The following PPP1R9A variants were observed in gnomAD, a reference collection of about 807,000 sequenced individuals.
PPP1R9A encodes neurabin-1.
Under a neutral mutation model 141.9 loss-of-function variants are expected in PPP1R9A, and 59 were observed. The observed-to-expected ratio is 0.42, with a 90% CI of 0.34 to 0.52. The LOEUF (loss-of-function observed/expected upper bound fraction) is 0.52, where lower values mean the gene tolerates loss of function less well. Among genes scored for constraint, PPP1R9A ranks in the 20% least tolerant of loss-of-function variants. The pLI is 0.10. For missense variants in PPP1R9A, 1,444 were observed against 1,611.9 expected (o/e 0.90, Z 1.78); for synonymous variants, 500 against 569.7 (o/e 0.88, Z 1.74).
chr7:95,138,148 G>A (rs1490626202), intron 4 of PPP1R9A, among the ~76,000 whole-genome samples: 1 of 151,938 alleles, frequency 6.6e-6, no homozygotes, highest in Non-Finnish European at 1.5e-5. Flanking sequence ...TAGCCAGGAT[G>A]GTCTCGATCT....
chr7:95,124,401 C>G (rs566370831), intron 4 of PPP1R9A, among the ~76,000 whole-genome samples: 1 of 152,122 alleles, frequency 6.6e-6, no homozygotes, highest in South Asian at 2.1e-4. Context: ...ATCTCTCAGT[C>G]ATTCTCTTTC....
At position 95,254,664 on chromosome 7, in the gene PPP1R9A, G is replaced by C. The variant is rs144519070; in HGVS notation, c.2665+2534G>C. Among the ~76,000 whole-genome samples the C allele has an allele frequency of 4.5e-3, 690 of 152,262 alleles. 5 individuals are homozygous for C. Among genetic ancestry groups the C allele is most frequent in the African/African-American group, 0.016 (650 of 41,560 alleles). ...TCATGAAGCAAAAGAATGATCAAGT[G>C]TAGGTCAATGAAAATGGTCAGAATG... On this transcript the variant is annotated intron_variant, in intron 12 of 19. Transcript: ENST00000433360.
At chr7:95,206,124 A>C (rs563624038) in intron 7 of PPP1R9A, among the ~76,000 whole-genome samples, 1 of 152,198 alleles carries the variant, frequency 6.6e-6, no homozygotes, top group Non-Finnish European at 1.5e-5. Context: ...ACAATACTGC[A>C]TATATGTCCT....
Position 95,212,624 on chromosome 7 carries a change from C to T in PPP1R9A, c.1956+8894C>T, listed in dbSNP as rs1792368885. On this transcript the variant is annotated intron_variant, in intron 7 of 19. Transcript: ENST00000433360. ...ATGTGGTTATTGGTACCACCTCAGT[C>T]CTGGAAGGCAGTCATGTCAGCCTCA... Among the ~76,000 whole-genome samples the T allele has an allele frequency of 3.9e-5, 6 of 152,258 alleles. No homozygotes were observed. In the South Asian group the frequency reaches 1.2e-3, roughly 32 times the overall value.
chr7:95,257,457 A>G (rs190584674), intron 12 of PPP1R9A, among the ~76,000 whole-genome samples: 1 of 152,260 alleles, frequency 6.6e-6, no homozygotes, highest in East Asian at 1.9e-4. Flanking sequence ...TACAGTCTCA[A>G]ATTTGAAAGA....
At chr7:95,213,000 GTTACA>G (rs1792458461) in intron 7 of PPP1R9A, among the ~76,000 whole-genome samples, 1 of 152,038 alleles carries the variant, frequency 6.6e-6, no homozygotes, top group Non-Finnish European at 1.5e-5. Context: ...GCCACTCTTG[GTTACA>G]TTGATCAGTG....
chr7:95,117,898 A>G (rs1821797870), intron 3 of PPP1R9A, among the ~76,000 whole-genome samples: 2 of 152,194 alleles, frequency 1.3e-5, no homozygotes, highest in Non-Finnish European at 1.5e-5. Context: ...TCTGCATGGA[A>G]GAGGCTACAT....
At chr7:95,269,888 C>T (rs1176436420) in intron 14 of PPP1R9A, among the ~76,000 whole-genome samples, 1 of 152,080 alleles carries the variant, frequency 6.6e-6, no homozygotes. Flanking sequence ...TAAACACTAA[C>T]GTAGTCATAT....
chr7:95,148,120 G>T (rs537515701), intron 4 of PPP1R9A, among the ~76,000 whole-genome samples: 1 of 152,174 alleles, frequency 6.6e-6, no homozygotes, highest in African/African-American at 2.4e-5. Flanking sequence ...TCTAAAATCA[G>T]CTATCTAAGC....
At chr7:95,057,222 T>G (rs1811622681) in intron 2 of PPP1R9A, among the ~76,000 whole-genome samples, 2 of 152,254 alleles carry the variant, frequency 1.3e-5, no homozygotes, top group South Asian at 2.1e-4. Flanking sequence ...TTTCAAATAC[T>G]GTATCATTCA....
At chr7:95,237,218 T>TG (rs1456233904) in intron 8 of PPP1R9A, among the ~76,000 whole-genome samples, 1 of 149,328 alleles carries the variant, frequency 6.7e-6, no homozygotes, top group African/African-American at 2.4e-5. Flanking sequence ...TTTTTTGAGA[T>TG]GGAGTCTCAC....
intron 6 of PPP1R9A, among the ~76,000 whole-genome samples, chr7:95,199,679 A>G (rs1012268215): frequency 2.0e-5 from 3 of 152,050 alleles, no homozygotes; most frequent in African/African-American, 7.2e-5. Flanking sequence ...GATTTAATTT[A>G]TTTTCTTACT....
intron 2 of PPP1R9A, among the ~76,000 whole-genome samples, chr7:95,055,439 C>T (rs1811382873): frequency 6.6e-6 from 1 of 151,972 alleles, no homozygotes; most frequent in Admixed American, 6.6e-5. Flanking sequence ...GAAACATCTC[C>T]AGTTTCAGTT....
chr7:95,272,077 G>A (rs1802270544), intron 14 of PPP1R9A, among the ~76,000 whole-genome samples: 5 of 152,184 alleles, frequency 3.3e-5, no homozygotes, highest in Admixed American at 2.6e-4. Flanking sequence ...CAAGCTCTGT[G>A]ATAGGCAGAA....
chr7:94,930,629 C>T (rs550937149), intron 2 of PPP1R9A, among the ~76,000 whole-genome samples: 1 of 152,226 alleles, frequency 6.6e-6, no homozygotes, highest in African/African-American at 2.4e-5. Context: ...CGTGAACCAC[C>T]ATGCCCAGCC....
chr7:95,274,445 A>G (rs1012852661), intron 16 of PPP1R9A, among the ~76,000 whole-genome samples: 1 of 152,226 alleles, frequency 6.6e-6, no homozygotes, highest in Non-Finnish European at 1.5e-5. Flanking sequence ...AAATATATCT[A>G]TGTGATACTT....
intron 2 of PPP1R9A, among the ~76,000 whole-genome samples, chr7:95,093,244 C>T (rs944574436): frequency 1.3e-5 from 2 of 152,106 alleles, no homozygotes; most frequent in African/African-American, 4.8e-5. Flanking sequence ...AGCAAATCTG[C>T]CACAGTTGTG....
At chr7:95,143,959 T>C (rs1827150033) in intron 4 of PPP1R9A, among the ~76,000 whole-genome samples, 1 of 152,180 alleles carries the variant, frequency 6.6e-6, no homozygotes, top group Non-Finnish European at 1.5e-5. Flanking sequence ...TTCATCAAGC[T>C]AATTAACATA....
At chr7:95,145,112 G>A (rs1184773544) in intron 4 of PPP1R9A, among the ~76,000 whole-genome samples, 5 of 152,310 alleles carry the variant, frequency 3.3e-5, no homozygotes, top group East Asian at 1.9e-4. Context: ...AAGATACCTC[G>A]TGTTCATGGA....
Sources: gnomAD v4.1 joint callset for allele counts (sites outside exome capture counted in the v4.1 genomes callset) on GRCh38, gnomAD v4.1.1 for gene constraint, MANE v1.5 for transcripts, NCBI Gene and HGNC (gene_info 2026-07-23, HGNC 2026-07-21) for gene names.